Variants in HSPBP1 observed in about 807,000 individuals in gnomAD.
HSPBP1 encodes HSPA (Hsp70) binding protein 1, also known as hsp70-binding protein 1.
In HSPBP1, 31 loss-of-function variants were observed where a neutral mutation model predicts 41.7. The observed-to-expected ratio is 0.74, with a 90% CI of 0.56 to 1.00. The LOEUF is 1.00. Ranked by LOEUF, HSPBP1 falls within the 50% of genes least tolerant of loss-of-function variation. The pLI is 0.00. For missense variants in HSPBP1, 439 were observed against 487.9 expected, an observed-to-expected ratio of 0.90 and a Z score of 0.94; for synonymous variants, 199 against 214.4, an observed-to-expected ratio of 0.93 and a Z score of 0.63.
chr19:55,275,613 A>G (rs990354109), intron 3 of HSPBP1, among the ~76,000 whole-genome samples: 1 of 151,790 alleles, frequency 6.6e-6, no homozygotes, highest in Non-Finnish European at 1.5e-5. Context: ...CAGGTAACAT[A>G]GCAAAACAGG....
At chr19:55,274,159 G>A (rs1255737998) in intron 4 of HSPBP1, among the ~76,000 whole-genome samples, 2 of 152,242 alleles carry the variant, frequency 1.3e-5, no homozygotes, top group Admixed American at 6.5e-5. Context: ...AAGCGCTCAC[G>A]CTGAGGGCCA....
intron 4 of HSPBP1, among the ~76,000 whole-genome samples, chr19:55,271,096 A>AT (rs1156881004): frequency 1.3e-5 from 2 of 152,242 alleles, no homozygotes; most frequent in Admixed American, 6.5e-5. Context: ...AGAAACAGGT[A>AT]TAACAGTGGT....
intron 3 of HSPBP1, among the ~76,000 whole-genome samples, chr19:55,276,721 C>T (rs1034281779): frequency 3.9e-5 from 6 of 151,958 alleles, no homozygotes; most frequent in African/African-American, 9.7e-5. Flanking sequence ...CCGGATAAGA[C>T]GGGGAGACAC....
At position 55,270,396 on chromosome 19, in the gene HSPBP1, G is replaced by A. The variant is rs545639723; in HGVS notation, c.640+4002C>T. On this transcript the variant is annotated intron_variant, in intron 4 of 7. Coordinates refer to ENST00000433386, the MANE Select transcript of HSPBP1 (RefSeq NM_012267.5). The surrounding 1 kb of genome is among the most constrained non-coding windows in gnomAD (Gnocchi z 5.4). ...TTGTGAGGGATCAATGAGGTGCAGC[G>A]CACAGGGCTTAGTGCAATGAGACCT... Among the ~76,000 whole-genome samples, 11 of 152,254 alleles carry A rather than the reference G, an allele frequency of 7.2e-5. No homozygotes were observed. The highest frequency in any genetic ancestry group is 3.9e-4 in the East Asian group (2 of 5,166).
chr19:55,280,076 T>G lies in HSPBP1; in HGVS notation c.-136A>C, dbSNP rs1442299263. On this transcript the variant is annotated 5_prime_UTR_variant, in exon 1 of 8. Transcript: ENST00000433386. ...GCCGCCGCTGCTCCTACAGACAAAGTCGTCCGCACCTGACTCTGCTGGGCG... is the reference window on the plus strand; with the variant it reads ...GCCGCCGCTGCTCCTACAGACAAAGGCGTCCGCACCTGACTCTGCTGGGCG... 4.2e-6 allele frequency: 1 copy of G among 235,658 alleles called. No individual in the cohort carries two copies. The highest frequency in any genetic ancestry group is 8.4e-6 in the Non-Finnish European group (1 of 118,564). The allele number at this position is 235,658 out of a possible 1,614,324, so 14.6% of individuals were successfully genotyped here.
At chr19:55,271,890 C>T (rs1229240318) in intron 4 of HSPBP1, among the ~76,000 whole-genome samples, 1 of 151,968 alleles carries the variant, frequency 6.6e-6, no homozygotes, top group East Asian at 1.9e-4. Flanking sequence ...CCCCGTCTCT[C>T]TGTACTAAAA....
At chr19:55,275,638 A>G (rs1298422294) in intron 3 of HSPBP1, among the ~76,000 whole-genome samples, 3 of 151,752 alleles carry the variant, frequency 2.0e-5, no homozygotes, top group Admixed American at 2.0e-4. Flanking sequence ...TTGCTATGTT[A>G]TATACTAAAA....
At chr19:55,275,112 G>A (rs2088037143) in intron 3 of HSPBP1, among the ~76,000 whole-genome samples, 1 of 152,160 alleles carries the variant, frequency 6.6e-6, no homozygotes, top group African/African-American at 2.4e-5. Context: ...CCAACCAGAG[G>A]TCCCCCCAAG....
At position 55,272,998 on chromosome 19, in the gene HSPBP1, G is replaced by C. The variant is rs1374336622; in HGVS notation, c.640+1400C>G. 6.6e-6 allele frequency among the ~76,000 whole-genome samples: 1 copy of C among 152,144 alleles called. No individual in the cohort carries two copies. The highest frequency in any genetic ancestry group is 1.5e-5 in the Non-Finnish European group (1 of 68,032). ...CTAAGAAGTACTACGTTGTTTTTCT[G>C]GTTTTTGTGTTTGTTTTCAGACAGG... On this transcript the variant is annotated intron_variant, in intron 4 of 7. Transcript: ENST00000433386. The surrounding 1 kb of genome is among the most constrained non-coding windows in gnomAD (Gnocchi z 4.2).
intron 4 of HSPBP1, 51 bp downstream of exon 4, chr19:55,274,347 A>ACACC: frequency 3.1e-6 from 1 of 325,718 alleles, no homozygotes; most frequent in South Asian, 3.5e-5. Context: ...CCCACCCGGC[A>ACACC]CCCCCCCCCA....
chr19:55,266,803 C>T (rs2122820970), intron 4 of HSPBP1, among the ~76,000 whole-genome samples: 1 of 152,306 alleles, frequency 6.6e-6, no homozygotes, highest in Non-Finnish European at 1.5e-5. Context: ...ATAACCATCA[C>T]CACTAACTCT....
rs2087939743 is a variant in HSPBP1, at chr19:55,272,138, C to T, written c.640+2260G>A. On this transcript the variant is annotated intron_variant, in intron 4 of 7. Coordinates refer to ENST00000433386, the MANE Select transcript of HSPBP1 (RefSeq NM_012267.5). This position sits in a 1 kb window ranked among gnomAD's most constrained non-coding sequence, Gnocchi z 4.2. ...AGAGTTACGATATGACCCAGCAACT[C>T]CACTGCTAGGTATACACCCAAGAGA... Among the ~76,000 whole-genome samples the T allele has an allele frequency of 6.6e-6, 1 of 151,928 alleles. No homozygotes were observed.
At chr19:55,275,949 GAA>G (rs775780681) in intron 3 of HSPBP1, among the ~76,000 whole-genome samples, 25 of 110,444 alleles carry the variant, frequency 2.3e-4, no homozygotes, top group African/African-American at 2.7e-4. Context: ...CTCTGTCTCA[GAA>G]AAAAAAAAAA....
chr19:55,277,363 C>T (rs1357130863), intron 3 of HSPBP1, among the ~76,000 whole-genome samples: 1 of 152,248 alleles, frequency 6.6e-6, no homozygotes. Flanking sequence ...GCCACCCCAC[C>T]CATGCCACTT....
intron 4 of HSPBP1, among the ~76,000 whole-genome samples, chr19:55,273,846 G>A (rs1292485114): frequency 2.0e-5 from 3 of 152,144 alleles, no homozygotes; most frequent in Admixed American, 6.5e-5. Flanking sequence ...AGGCCAAGGC[G>A]GGAGGATCCC....
At chr19:55,274,318 C>T (rs1445800969) in intron 4 of HSPBP1, 80 bp downstream of exon 4, 2 of 1,220,564 alleles carry the variant, frequency 1.6e-6, no homozygotes, top group Non-Finnish European at 2.3e-6. Context: ...TCTCCCTCTG[C>T]CCCAGCAGAT....
chr19:55,262,457 G>A lies in HSPBP1; in HGVS notation c.*151C>T, dbSNP rs2087669713. 8.4e-6 allele frequency: 12 copies of A among 1,430,302 alleles called. No individual in the cohort carries two copies. The highest frequency in any genetic ancestry group is 1.0e-5 in the Non-Finnish European group (11 of 1,092,244). 88.6% of individuals were successfully genotyped at this position (1,430,302 alleles called of 1,614,324 possible). On this transcript the variant is annotated 3_prime_UTR_variant, in exon 8 of 8. Transcript: ENST00000433386. Reference sequence around the variant, plus strand: ...CCAAGGAGCTGGTGCCTTTCTCAGCGCCCCTTCCAGGGACTGCACAGAGAC... The same window carrying A: ...CCAAGGAGCTGGTGCCTTTCTCAGCACCCCTTCCAGGGACTGCACAGAGAC...
chr19:55,277,513 G>T, intron 3 of HSPBP1, 129 bp downstream of exon 3: 1 of 934,674 alleles, frequency 1.1e-6, no homozygotes, highest in Non-Finnish European at 1.7e-6. Context: ...GGCAATGGAG[G>T]CGAACAGGCT....
In HSPBP1 at chr19:55,266,127, ACACCTTTGTGTTCAGGGTGGCC is replaced by A; in HGVS notation, c.778_796+3del. ...CTCCTGCCCTCACTCAAGGGCTGCC[ACACCTTTGTGTTCAGGGTGGCC>A]CACCAGCAGGTTCTGCAGCAGGAAT... On this transcript the variant is annotated splice_donor_variant and splice_donor_region_variant and coding_sequence_variant and intron_variant, in exon 5 of 8. Transcript: ENST00000433386. LOFTEE classifies it high-confidence loss of function. The A allele has an allele frequency of 6.2e-7, 1 of 1,601,270 alleles. No homozygotes were observed. Among genetic ancestry groups the A allele is most frequent in the Non-Finnish European group, 8.5e-7 (1 of 1,174,236 alleles).
Sources: allele counts gnomAD v4.1 joint callset (sites outside exome capture counted in the v4.1 genomes callset), GRCh38; gene constraint gnomAD v4.1.1; non-coding constraint Gnocchi (gnomAD v3.1); transcripts MANE v1.5; gene names NCBI Gene and HGNC (gene_info 2026-07-23, HGNC 2026-07-21).